Variants in CPAMD8 observed in about 807,000 individuals in gnomAD.
The protein encoded by CPAMD8 is C3 and PZP-like alpha-2-macroglobulin domain-containing protein 8.
In CPAMD8, 146 loss-of-function variants were observed where a neutral mutation model predicts 224.7. The ratio of observed to expected loss-of-function variants is 0.65; its 90% confidence interval spans 0.57 to 0.75. The LOEUF is 0.75. Ranked by LOEUF, CPAMD8 falls within the 30% of genes least tolerant of loss-of-function variation. CPAMD8 has a pLI of 0.00. For synonymous variants in CPAMD8, 966 were observed against 1,044.6 expected, an observed-to-expected ratio of 0.92 and a Z score of 1.45; for missense variants, 2,301 against 2,537.5, an observed-to-expected ratio of 0.91 and a Z score of 2.00.
Position 16,952,114 on chromosome 19 carries a change from G to A in CPAMD8, c.2363C>T (p.Ser788Phe), listed in dbSNP as rs1285091256. Residue 788 changes from serine (S) to phenylalanine (F), a missense_variant, in exon 20 of 42, where the codon TCT (serine) becomes TTT (phenylalanine). Ser to Phe is a radical substitution (Grantham distance 155, BLOSUM62 -2). Coordinates refer to ENST00000443236, the MANE Select transcript of CPAMD8 (RefSeq NM_015692.5). ...GGGCTCGGCGATGCCTAAGCCCTGA[G>A]AGGTGGACAGGGCCACGGCCTCACC... ...WVGEAVALST[S>F]QGLGIAEPSL... The A allele has an allele frequency of 1.9e-6, 3 of 1,553,398 alleles. No individual in the cohort carries two copies. Among genetic ancestry groups the A allele is most frequent in the Non-Finnish European group, 2.6e-6 (3 of 1,147,530 alleles).
At chr19:16,978,104 C>T (rs1259049189) in intron 14 of CPAMD8, among the ~76,000 whole-genome samples, 1 of 152,284 alleles carries the variant, frequency 6.6e-6, no homozygotes, top group East Asian at 1.9e-4. Context: ...GGTAGAAAGG[C>T]TCCCAGTTCC....
At position 17,009,399 on chromosome 19, in the gene CPAMD8, G is replaced by A. The variant is rs865857875; in HGVS notation, c.487-79C>T. The A allele has an allele frequency of 3.0e-5, 48 of 1,609,596 alleles. No individual in the cohort carries two copies. The Middle Eastern group carries it at 6.6e-4, about 22-fold the overall frequency. Reference sequence around the variant, plus strand: ...TTTCAACATGCTCATGCATGGCCTCGGTCCCCGGGACAGGCAGTCGCTGTT... The same window carrying A: ...TTTCAACATGCTCATGCATGGCCTCAGTCCCCGGGACAGGCAGTCGCTGTT... On this transcript the variant is annotated intron_variant, in intron 5 of 41. Coordinates refer to ENST00000443236, the MANE Select transcript of CPAMD8 (RefSeq NM_015692.5).
intron 27 of CPAMD8, among the ~76,000 whole-genome samples, chr19:16,918,442 C>CTTT (rs869059553): frequency 7.6e-5 from 3 of 39,376 alleles, no homozygotes; most frequent in Admixed American, 3.0e-4. Context: ...ATTTTTAAAA[C>CTTT]TTTTTTTTTT....
chr19:16,971,187 T>C (rs1485417362), intron 17 of CPAMD8, 154 bp from the exon 18 acceptor site: 2 of 609,472 alleles, frequency 3.3e-6, no homozygotes, highest in Non-Finnish European at 5.5e-6. Context: ...TTTGGGTTTG[T>C]TTTGTTTTGT....
At position 16,997,249 on chromosome 19, in the gene CPAMD8, C is replaced by T; in HGVS notation, c.957G>A (p.Trp319Ter). 8 of 1,551,046 alleles carry T rather than the reference C, an allele frequency of 5.2e-6. No homozygotes were observed. The highest frequency in any genetic ancestry group is 7.1e-6 in the Non-Finnish European group (8 of 1,124,372). ...PEHFRGRVSI[W>*]AMVTSVDGSQ... ...TCCCGTCCACACTGGTCACCATGGC[C>T]CAGATGCTGACCCTGCCCCGGAAGT... The change falls in exon 11 of 42, where the codon TGG (tryptophan) becomes TGA (stop). Residue 319 changes from tryptophan to a stop codon, truncating the protein, a stop_gained. Transcript: ENST00000443236. LOFTEE classifies it high-confidence loss of function.
Position 16,906,337 on chromosome 19 carries a change from C to CCTTTCTTT in CPAMD8, c.4027+607_4027+614dup, listed in dbSNP as rs35867251. On this transcript the variant is annotated intron_variant, in intron 30 of 41. Transcript: ENST00000443236. Reference sequence around the variant, plus strand: ...CTCTCCCTCCTTCCTTCCTTCTTTCCCTTTCTTTCTTTCTTTCTTTCTTTC... The same window carrying CCTTTCTTT: ...CTCTCCCTCCTTCCTTCCTTCTTTCCCTTTCTTTCTTTCTTTCTTTCTTTCTTTCTTTC... Among the ~76,000 whole-genome samples, 522 of 81,702 alleles carry CCTTTCTTT rather than the reference C, an allele frequency of 6.4e-3. 6 individuals carry two copies. Among genetic ancestry groups the CCTTTCTTT allele is most frequent in the East Asian group, 0.03 (70 of 2,338 alleles). The allele number at this position is 81,702 out of a possible 152,430, so 53.6% of individuals were successfully genotyped here.
chr19:17,008,480 C>G (rs2056553337), intron 7 of CPAMD8, 25 bp downstream of exon 7: 9 of 1,611,994 alleles, frequency 5.6e-6, no homozygotes, highest in Non-Finnish European at 6.8e-6. Flanking sequence ...TCTGCAGCCC[C>G]CAAGCCGCAG....
At chr19:17,009,150 C>T in intron 6 of CPAMD8, 153 bp downstream of exon 6, 1 of 1,280,262 alleles carries the variant, frequency 7.8e-7, no homozygotes, top group Admixed American at 2.1e-5. Context: ...AGGGCGGACC[C>T]AGGGACCAGG....
intron 1 of CPAMD8, among the ~76,000 whole-genome samples, chr19:17,023,349 T>G (rs12978319): frequency 0.24 from 36,060 of 151,946 alleles, 5,221 homozygotes; most frequent in Non-Finnish European, 0.34. Flanking sequence ...CCTGAGCTCC[T>G]GTCTCCCAGT....
chr19:16,946,785 G>A (rs949543573), intron 21 of CPAMD8, among the ~76,000 whole-genome samples: 4 of 151,482 alleles, frequency 2.6e-5, no homozygotes, highest in Non-Finnish European at 5.9e-5. Context: ...ACATGTGGGC[G>A]TGTGTGTGGA....
chr19:16,958,395 G>T (rs909309884), intron 18 of CPAMD8, among the ~76,000 whole-genome samples: 4 of 152,084 alleles, frequency 2.6e-5, no homozygotes, highest in African/African-American at 9.7e-5. Flanking sequence ...TCCTGCATTA[G>T]TTTGCTAAGG....
chr19:16,930,083 C>T (rs1283939083), intron 23 of CPAMD8, among the ~76,000 whole-genome samples: 1 of 151,998 alleles, frequency 6.6e-6, no homozygotes, highest in Non-Finnish European at 1.5e-5. Context: ...GGTGAAACTC[C>T]GTCTCTACTA....
intron 23 of CPAMD8, among the ~76,000 whole-genome samples, chr19:16,931,602 T>C (rs913848583): frequency 6.6e-6 from 1 of 152,310 alleles, no homozygotes; most frequent in African/African-American, 2.4e-5. Flanking sequence ...CTACTGGCAT[T>C]CAAGCTAGCT....
chr19:16,956,856 C>T (rs1040317912), intron 19 of CPAMD8, among the ~76,000 whole-genome samples: 1 of 151,896 alleles, frequency 6.6e-6, no homozygotes, highest in South Asian at 2.1e-4. Flanking sequence ...TTAGTAGAGA[C>T]AGGGTTTCAC....
chr19:17,014,251 G>T (rs1189425818), intron 3 of CPAMD8, among the ~76,000 whole-genome samples: 1 of 151,684 alleles, frequency 6.6e-6, no homozygotes, highest in Non-Finnish European at 1.5e-5. Context: ...TAGAGATGGG[G>T]TCTCACTATG....
intron 6 of CPAMD8, chr19:17,009,098 A>C: frequency 9.1e-6 from 4 of 441,854 alleles, no homozygotes; most frequent in Non-Finnish European, 1.4e-5. Context: ...CTCCATTTCA[A>C]AAAAAAAAAG....
chr19:16,987,664 G>C (rs147083576), intron 13 of CPAMD8, among the ~76,000 whole-genome samples: 146 of 152,096 alleles, frequency 9.6e-4, no homozygotes, highest in African/African-American at 3.4e-3. Flanking sequence ...GTTAAGTTTA[G>C]TTTTGAGACA....
intron 22 of CPAMD8, among the ~76,000 whole-genome samples, chr19:16,943,087 C>T (rs1420336456): frequency 1.4e-5 from 2 of 146,716 alleles, no homozygotes; most frequent in African/African-American, 5.1e-5. Context: ...CCCTCTGTTG[C>T]TTACTGTAAC....
At chr19:16,956,691 G>A (rs985054947) in intron 19 of CPAMD8, among the ~76,000 whole-genome samples, 6 of 150,964 alleles carry the variant, frequency 4.0e-5, no homozygotes, top group Middle Eastern at 3.2e-3. Context: ...TTTTTGAGAC[G>A]GAGTCTTGCT....
Sources: gnomAD v4.1 joint callset for allele counts (sites outside exome capture counted in the v4.1 genomes callset) on GRCh38, gnomAD v4.1.1 for gene constraint, MANE v1.5 for transcripts, NCBI Gene and HGNC (gene_info 2026-07-23, HGNC 2026-07-21) for gene names.